Variants in ASIC2 observed in about 807,000 individuals in gnomAD.
The protein encoded by ASIC2 is acid-sensing ion channel 2.
ASIC2 carries 25 observed loss-of-function variants against 57.3 expected under a neutral mutation model. That is an observed-to-expected ratio of 0.44 (90% CI 0.32 to 0.61). The LOEUF (loss-of-function observed/expected upper bound fraction) is 0.61. Ranked by LOEUF, ASIC2 falls within the 20% of genes least tolerant of loss-of-function variation. The pLI is 0.06. For synonymous variants in ASIC2, 319 were observed against 307.5 expected (o/e 1.04, Z -0.39); for missense variants, 641 against 738.1 (o/e 0.87, Z 1.52).
intron 1 of ASIC2, among the ~76,000 whole-genome samples, chr17:34,074,429 C>T (rs1410453062): frequency 6.6e-6 from 1 of 152,156 alleles, no homozygotes; most frequent in East Asian, 1.9e-4. Flanking sequence ...CCAAACCCCA[C>T]ATTATTGACC....
intron 1 of ASIC2, among the ~76,000 whole-genome samples, chr17:33,856,548 A>G (rs1913956727): frequency 6.8e-6 from 1 of 146,144 alleles, no homozygotes; most frequent in African/African-American, 2.6e-5. Flanking sequence ...TAGTGGCAGT[A>G]GCAGCATCAG....
At chr17:33,313,076 G>C (rs1002631426) in intron 1 of ASIC2, among the ~76,000 whole-genome samples, 2 of 152,196 alleles carry the variant, frequency 1.3e-5, no homozygotes, top group Non-Finnish European at 2.9e-5. Context: ...GGGAGACCAA[G>C]GTGGGAGGAT....
chr17:33,824,481 C>G (rs975213025), intron 1 of ASIC2, among the ~76,000 whole-genome samples: 1 of 151,846 alleles, frequency 6.6e-6, no homozygotes, highest in African/African-American at 2.4e-5. Flanking sequence ...GGCTGTATAG[C>G]AGTTATAAGT....
intron 1 of ASIC2, among the ~76,000 whole-genome samples, chr17:33,852,720 A>G (rs1376095899): frequency 6.6e-6 from 1 of 152,208 alleles, no homozygotes; most frequent in African/African-American, 2.4e-5. Context: ...TCCAAAGAAG[A>G]GAAACAATTT....
intron 1 of ASIC2, among the ~76,000 whole-genome samples, chr17:33,505,102 T>C (rs1245548786): frequency 2.0e-5 from 3 of 151,844 alleles, no homozygotes; most frequent in African/African-American, 7.3e-5. Context: ...TTATTATGGG[T>C]TGGTCAATTT....
At position 33,088,999 on chromosome 17, in the gene ASIC2, A is replaced by G. The variant is rs547734582; in HGVS notation, c.860-9T>C. ...TTCAAATGTCGTTTCCTCTGAAAGA[A>G]CAAAGATGGACAGAGCCACGGGTCA... On this transcript the variant is annotated splice_polypyrimidine_tract_variant and intron_variant, in intron 2 of 9. Transcript: ENST00000225823. 1.9e-6 allele frequency: 3 copies of G among 1,613,970 alleles called. No individual in the cohort carries two copies. In the East Asian group the frequency reaches 6.7e-5, roughly 36 times the overall value.
intron 1 of ASIC2, among the ~76,000 whole-genome samples, chr17:33,666,398 C>T (rs1049744749): frequency 6.6e-6 from 1 of 152,150 alleles, no homozygotes; most frequent in African/African-American, 2.4e-5. Context: ...CACAGTGCAG[C>T]GGGCCGAGCA....
rs57077973 is a variant in ASIC2, at chr17:34,099,729, AGAAG to A, written c.555+56245_555+56248del. On this transcript the variant is annotated intron_variant, in intron 1 of 9. Coordinates refer to the ASIC2 transcript ENST00000359872. Reference sequence around the variant, plus strand: ...AAAAAAGAAAGAAAGAAAGAAGGAAAGAAGGAAAGAAAGAAAGAAAGAAAGAAAG... The same window carrying A: ...AAAAAAGAAAGAAAGAAAGAAGGAAAGAAAGAAAGAAAGAAAGAAAGAAAG... Among the ~76,000 whole-genome samples the A allele has an allele frequency of 9.2e-5, 11 of 119,684 alleles. No individual in the cohort carries two copies. The South Asian group carries it at 1.5e-3, about 16-fold the overall frequency. 78.5% of individuals were successfully genotyped at this position (119,684 alleles called of 152,430 possible).
intron 1 of ASIC2, among the ~76,000 whole-genome samples, chr17:33,801,091 T>A (rs1267324141): frequency 6.6e-6 from 1 of 152,208 alleles, no homozygotes; most frequent in Non-Finnish European, 1.5e-5. Flanking sequence ...GAAGTCCACT[T>A]CGTCAGAAAG....
At chr17:33,522,744 A>C (rs1041464142) in intron 1 of ASIC2, among the ~76,000 whole-genome samples, 4 of 152,162 alleles carry the variant, frequency 2.6e-5, no homozygotes, top group East Asian at 1.9e-4. Context: ...TTGAAAATCC[A>C]AGTGTTAGTT....
chr17:34,086,483 T>C (rs1159150752), intron 1 of ASIC2, among the ~76,000 whole-genome samples: 1 of 151,854 alleles, frequency 6.6e-6, no homozygotes, highest in Non-Finnish European at 1.5e-5. Flanking sequence ...TTGGAATAGG[T>C]GTGGTGTGGT....
intron 1 of ASIC2, among the ~76,000 whole-genome samples, chr17:33,836,328 G>T (rs1329783838): frequency 1.3e-5 from 2 of 151,408 alleles, no homozygotes; most frequent in African/African-American, 4.9e-5. Context: ...GGCCAGGCTG[G>T]TCTTGAACTC....
At chr17:33,270,625 G>A (rs1904447408) in intron 1 of ASIC2, among the ~76,000 whole-genome samples, 1 of 152,126 alleles carries the variant, frequency 6.6e-6, no homozygotes, top group Non-Finnish European at 1.5e-5. Flanking sequence ...TGGTCCAGCC[G>A]GCCAGTGGTG....
chr17:33,540,186 C>T (rs1266586575), intron 1 of ASIC2, among the ~76,000 whole-genome samples: 2 of 152,092 alleles, frequency 1.3e-5, no homozygotes, highest in Non-Finnish European at 2.9e-5. Flanking sequence ...TCCAGGTGTT[C>T]CTTGGGTTGT....
chr17:33,341,255 T>G (rs144774055), intron 1 of ASIC2, among the ~76,000 whole-genome samples: 7 of 152,310 alleles, frequency 4.6e-5, no homozygotes, highest in African/African-American at 1.7e-4. Context: ...ATCTGCATGT[T>G]TAACATGAAC....
intron 1 of ASIC2, among the ~76,000 whole-genome samples, chr17:33,674,780 G>A (rs1333148348): frequency 6.6e-6 from 1 of 152,146 alleles, no homozygotes; most frequent in Non-Finnish European, 1.5e-5. Flanking sequence ...AAGCAATGTT[G>A]CTCTCTTCTG....
chr17:33,222,048 T>C (rs1907708482), intron 1 of ASIC2, among the ~76,000 whole-genome samples: 1 of 152,152 alleles, frequency 6.6e-6, no homozygotes, highest in Admixed American at 6.5e-5. Flanking sequence ...GGGTTCTCTG[T>C]AGTGCAACAA....
intron 1 of ASIC2, among the ~76,000 whole-genome samples, chr17:33,370,584 G>C (rs967444832): frequency 8.5e-5 from 13 of 152,204 alleles, no homozygotes; most frequent in African/African-American, 3.1e-4. Flanking sequence ...AAGCAGGGTG[G>C]AGGGAGGGGT....
chr17:33,470,610 G>A (rs576910611), intron 1 of ASIC2, among the ~76,000 whole-genome samples: 4 of 152,278 alleles, frequency 2.6e-5, no homozygotes, highest in Admixed American at 6.5e-5. Context: ...GGATCACTGT[G>A]ATCACTAAAG....
Sources: gnomAD v4.1 joint callset for allele counts (sites outside exome capture counted in the v4.1 genomes callset) on GRCh38, gnomAD v4.1.1 for gene constraint, MANE v1.5 for transcripts, NCBI Gene and HGNC (gene_info 2026-07-23, HGNC 2026-07-21) for gene names.